The following PRKN variants were observed in gnomAD, a reference collection of about 807,000 sequenced individuals.
PRKN encodes E3 ubiquitin-protein ligase parkin.
A neutral mutation model predicts 59.5 loss-of-function variants in PRKN; 56 were observed. The observed-to-expected ratio is 0.94, with a 90% CI of 0.76 to 1.18. PRKN has a LOEUF of 1.18. Among genes scored for constraint, PRKN ranks in the 50% most tolerant of loss-of-function variants. The pLI is 0.00. For missense variants in PRKN, 657 were observed against 596.4 expected, an observed-to-expected ratio of 1.10 and a Z score of -1.06; for synonymous variants, 250 against 222.1, an observed-to-expected ratio of 1.13 and a Z score of -1.12.
At position 161,497,982 on chromosome 6, in the gene PRKN, G is replaced by C. The variant is rs1184905459; in HGVS notation, c.1083+50872C>G. Among the ~76,000 whole-genome samples, 1 of 152,196 alleles carries C rather than the reference G, an allele frequency of 6.6e-6. No individual in the cohort carries two copies. Among genetic ancestry groups the C allele is most frequent in the East Asian group, 1.9e-4 (1 of 5,196 alleles). On this transcript the variant is annotated intron_variant, in intron 9 of 11. Transcript: ENST00000366898. This position sits in a 1 kb window ranked among gnomAD's most constrained non-coding sequence, Gnocchi z 4.6. ...CTAAATCTGATCAAATGACGGGAGA[G>C]AGGAAACCTTTGCTTCCATGAGGGG...
intron 7 of PRKN, among the ~76,000 whole-genome samples, chr6:161,715,692 T>C (rs1370895963): frequency 6.6e-6 from 1 of 152,168 alleles, no homozygotes; most frequent in African/African-American, 2.4e-5. Context: ...TGAGTTAGGA[T>C]GTTGCTCAGT....
intron 6 of PRKN, among the ~76,000 whole-genome samples, chr6:161,874,198 T>C (rs1794514829): frequency 1.5e-5 from 1 of 66,594 alleles, no homozygotes; most frequent in South Asian, 5.0e-4. Context: ...ATATATAATA[T>C]ATATTATATG....
rs78975939 is a variant in PRKN, at chr6:162,175,191, C to G, written c.534+25940G>C. On this transcript the variant is annotated intron_variant, in intron 4 of 11. Transcript: ENST00000366898. Reference sequence around the variant, plus strand: ...CTTGGTAGGATGTTAGCCTCCAAGTCTCCCTCCAGGCAAGCTGTCCCAGAG... The same window carrying G: ...CTTGGTAGGATGTTAGCCTCCAAGTGTCCCTCCAGGCAAGCTGTCCCAGAG... Among the ~76,000 whole-genome samples the G allele has an allele frequency of 8.0e-3, 1,226 of 152,304 alleles. 17 individuals are homozygous for G. The highest frequency in any genetic ancestry group is 0.028 in the African/African-American group (1,164 of 41,560).
intron 1 of PRKN, among the ~76,000 whole-genome samples, chr6:162,557,654 C>T (rs370308635): frequency 6.6e-5 from 10 of 152,216 alleles, no homozygotes; most frequent in African/African-American, 2.2e-4. Flanking sequence ...GATTATCAGG[C>T]GCCCGCCATC....
intron 1 of PRKN, among the ~76,000 whole-genome samples, chr6:162,532,380 T>C (rs968498917): frequency 6.6e-6 from 1 of 152,236 alleles, no homozygotes; most frequent in African/African-American, 2.4e-5. Context: ...GTGCACATCG[T>C]TACACATCCC....
intron 1 of PRKN, among the ~76,000 whole-genome samples, chr6:162,679,501 CTT>C (rs1446982715): frequency 6.6e-6 from 1 of 152,122 alleles, no homozygotes; most frequent in Non-Finnish European, 1.5e-5. Context: ...TCTAAGAAAT[CTT>C]TGACTATTTC....
At chr6:162,091,965 G>A (rs1414865035) in intron 4 of PRKN, among the ~76,000 whole-genome samples, 1 of 152,106 alleles carries the variant, frequency 6.6e-6, no homozygotes, top group African/African-American at 2.4e-5. Context: ...GAGCCCAGGA[G>A]GTCAAGGCTG....
intron 9 of PRKN, among the ~76,000 whole-genome samples, chr6:161,416,894 G>A (rs1366023798): frequency 6.6e-6 from 1 of 152,168 alleles, no homozygotes; most frequent in Non-Finnish European, 1.5e-5. Flanking sequence ...GCACCCAGGA[G>A]AGAGGTCAGA....
intron 7 of PRKN, among the ~76,000 whole-genome samples, chr6:161,683,306 C>T (rs1204115396): frequency 6.6e-6 from 1 of 152,184 alleles, no homozygotes; most frequent in Non-Finnish European, 1.5e-5. Flanking sequence ...CCAGACGCGT[C>T]TGGGTCCTGG....
At chr6:161,512,596 G>A (rs902959363) in intron 9 of PRKN, among the ~76,000 whole-genome samples, 3 of 152,126 alleles carry the variant, frequency 2.0e-5, no homozygotes, top group African/African-American at 7.2e-5. Context: ...AATTCCTGGT[G>A]AATTGGTATA....
At chr6:161,781,608 C>G (rs1335612296) in intron 7 of PRKN, among the ~76,000 whole-genome samples, 1 of 152,090 alleles carries the variant, frequency 6.6e-6, no homozygotes, top group Non-Finnish European at 1.5e-5. Flanking sequence ...TGGCAAAGAA[C>G]CACCGAAATT....
At chr6:162,682,890 A>C (rs1247172230) in intron 1 of PRKN, among the ~76,000 whole-genome samples, 1 of 152,204 alleles carries the variant, frequency 6.6e-6, no homozygotes, top group Non-Finnish European at 1.5e-5. Flanking sequence ...GAAGAATCCC[A>C]AAATGAAATT....
intron 1 of PRKN, among the ~76,000 whole-genome samples, chr6:162,479,783 A>T (rs1792203745): frequency 6.8e-6 from 1 of 147,838 alleles, no homozygotes; most frequent in Non-Finnish European, 1.5e-5. Flanking sequence ...AATAATTAGT[A>T]GGAGCCAGGC....
At chr6:162,161,951 T>C (rs887822689) in intron 4 of PRKN, among the ~76,000 whole-genome samples, 2 of 152,078 alleles carry the variant, frequency 1.3e-5, no homozygotes, top group African/African-American at 2.4e-5. Flanking sequence ...TATGCATGTA[T>C]AGGAAAAAAC....
At chr6:162,271,341 C>G (rs1419350838) in intron 2 of PRKN, 4 of 151,898 alleles carry the variant, frequency 2.6e-5, no homozygotes, top group African/African-American at 9.7e-5. Flanking sequence ...AGTTTGAGAC[C>G]AGCCTGGCCA....
chr6:161,549,144 G>T lies in PRKN; in HGVS notation c.934-141C>A. The T allele has an allele frequency of 1.1e-6, 1 of 880,624 alleles. No homozygotes were observed. Among genetic ancestry groups the T allele is most frequent in the Non-Finnish European group, 1.8e-6 (1 of 543,408 alleles). 54.6% of individuals were successfully genotyped at this position (880,624 alleles called of 1,614,324 possible). A position where few individuals can be genotyped will look rare whatever the true frequency, so the allele number is the denominator to read the frequency against. The stretch of plus-strand genomic sequence containing the variant: ...TGTGTGTGTGTGTGTGTGTGTGTAG[G>T]GGGAGGGAGAGGGCCACGGGGTTGA... On this transcript the variant is annotated intron_variant, in intron 8 of 11. Transcript: ENST00000366898. This position sits in a 1 kb window ranked among gnomAD's most constrained non-coding sequence, Gnocchi z 6.0.
chr6:162,589,742 T>C (rs1781226170), intron 1 of PRKN, among the ~76,000 whole-genome samples: 2 of 152,214 alleles, frequency 1.3e-5, no homozygotes, highest in African/African-American at 4.8e-5. Flanking sequence ...GTATTCTCAA[T>C]ACTTTCGACC....
At position 162,690,692 on chromosome 6, in the gene PRKN, C is replaced by A. The variant is rs192437808; in HGVS notation, c.7+36970G>T. Among the ~76,000 whole-genome samples, 258 of 152,184 alleles carry A rather than the reference C, an allele frequency of 1.7e-3. 8 individuals carry two copies. The South Asian group carries it at 0.052, about 31-fold the overall frequency. On this transcript the variant is annotated intron_variant, in intron 1 of 11. Coordinates refer to ENST00000366898, the MANE Select transcript of PRKN (RefSeq NM_004562.3). ...AGGTCAAAAAGAGGAAAAGATGATT[C>A]TATAACAACATGCCATTTTCCTCTC...
chr6:162,285,928 A>G (rs953487077), intron 2 of PRKN, among the ~76,000 whole-genome samples: 1 of 152,188 alleles, frequency 6.6e-6, no homozygotes, highest in African/African-American at 2.4e-5. Context: ...GGGGGCATAG[A>G]TGGAGAGATG....
Sources: gnomAD v4.1 joint callset for allele counts (sites outside exome capture counted in the v4.1 genomes callset) on GRCh38, gnomAD v4.1.1 for gene constraint, Gnocchi (gnomAD v3.1) non-coding constraint, MANE v1.5 for transcripts, NCBI Gene and HGNC (gene_info 2026-07-23, HGNC 2026-07-21) for gene names.